Variants in NALF1 observed in about 807,000 individuals in gnomAD.
NALF1 encodes family with sequence similarity 155 member A.
NALF1 carries 3 observed loss-of-function variants against 48.4 expected under a neutral mutation model. The ratio of observed to expected loss-of-function variants is 0.06; its 90% CI spans 0.03 to 0.16. NALF1 has a LOEUF of 0.16. Ranked by LOEUF, NALF1 falls within the 10% of genes least tolerant of loss-of-function variation. The probability of loss-of-function intolerance (pLI) is 1.00; values close to 1 mark genes in which losing one functional copy is unlikely to be tolerated. For missense variants in NALF1, 526 were observed against 571.5 expected (o/e 0.92, Z 0.81); for synonymous variants, 262 against 245.7 (o/e 1.07, Z -0.62).
intron 1 of NALF1, among the ~76,000 whole-genome samples, chr13:107,676,143 T>G (rs1881115464): frequency 2.0e-5 from 3 of 152,332 alleles, no homozygotes; most frequent in South Asian, 4.1e-4. Flanking sequence ...TACTTATTCC[T>G]TCCTTCCCTT....
intron 1 of NALF1, among the ~76,000 whole-genome samples, chr13:107,246,626 G>A (rs1258963729): frequency 1.3e-5 from 2 of 152,182 alleles, no homozygotes; most frequent in African/African-American, 4.8e-5. Context: ...TGAAGATTGT[G>A]ATTTGATCAA....
At chr13:107,264,482 T>A (rs1490684281) in intron 1 of NALF1, among the ~76,000 whole-genome samples, 2 of 152,204 alleles carry the variant, frequency 1.3e-5, no homozygotes, top group Admixed American at 1.3e-4. Context: ...TGTCTTTCTT[T>A]TATTTGTTAA....
At chr13:107,590,553 A>G (rs1248129592) in intron 1 of NALF1, among the ~76,000 whole-genome samples, 1 of 151,998 alleles carries the variant, frequency 6.6e-6, no homozygotes, top group Admixed American at 6.6e-5. Flanking sequence ...TGTTTTGTAT[A>G]TTTGGTGACA....
intron 1 of NALF1, among the ~76,000 whole-genome samples, chr13:107,852,808 G>C (rs1447641004): frequency 5.9e-5 from 9 of 152,140 alleles, no homozygotes; most frequent in Admixed American, 5.2e-4. Context: ...AATAGAAAAA[G>C]TATAGGTTCA....
intron 1 of NALF1, among the ~76,000 whole-genome samples, chr13:107,454,720 G>C (rs1261470602): frequency 6.6e-6 from 1 of 152,128 alleles, no homozygotes; most frequent in Non-Finnish European, 1.5e-5. Flanking sequence ...TGAAAAGCTA[G>C]AAATACTGAG....
At chr13:107,761,402 A>C (rs1877260727) in intron 1 of NALF1, among the ~76,000 whole-genome samples, 1 of 152,048 alleles carries the variant, frequency 6.6e-6, no homozygotes, top group African/African-American at 2.4e-5. Flanking sequence ...AATGGCAAAC[A>C]GCAGGATTGG....
chr13:107,766,616 A>C (rs2004563), intron 1 of NALF1, among the ~76,000 whole-genome samples: 3,628 of 152,248 alleles, frequency 0.024, 120 homozygotes, highest in African/African-American at 0.083. Context: ...ATATTTTAGA[A>C]TGGGTTTCAA....
intron 1 of NALF1, among the ~76,000 whole-genome samples, chr13:107,495,571 T>C (rs1382142455): frequency 3.3e-5 from 5 of 152,314 alleles, no homozygotes; most frequent in Non-Finnish European, 5.9e-5. Flanking sequence ...GTATACCCTG[T>C]AGACAATACT....
At chr13:107,675,114 T>C (rs1881081973) in intron 1 of NALF1, among the ~76,000 whole-genome samples, 1 of 152,230 alleles carries the variant, frequency 6.6e-6, no homozygotes, top group Non-Finnish European at 1.5e-5. Flanking sequence ...TCTATGCTTT[T>C]TTAAAGGCTC....
intron 1 of NALF1, among the ~76,000 whole-genome samples, chr13:107,231,403 G>A (rs1322614083): frequency 4.6e-5 from 7 of 152,152 alleles, no homozygotes; most frequent in Non-Finnish European, 8.8e-5. Flanking sequence ...CCTTCAGATC[G>A]TGGTTCTCTT....
At chr13:107,725,038 T>C (rs1876108109) in intron 1 of NALF1, among the ~76,000 whole-genome samples, 3 of 152,258 alleles carry the variant, frequency 2.0e-5, no homozygotes. Context: ...TTGATAAATA[T>C]TTTGTGTTTG....
intron 1 of NALF1, among the ~76,000 whole-genome samples, chr13:107,465,709 C>CCTAA (rs1409113457): frequency 1.3e-5 from 2 of 152,148 alleles, no homozygotes; most frequent in Non-Finnish European, 2.9e-5. Flanking sequence ...TAAACAAATA[C>CCTAA]CTAACGCTAG....
chr13:107,336,559 T>C (rs1882560941), intron 1 of NALF1, among the ~76,000 whole-genome samples: 1 of 152,052 alleles, frequency 6.6e-6, no homozygotes, highest in Non-Finnish European at 1.5e-5. Context: ...GAGAGAACAA[T>C]CTTTGTGTCT....
At chr13:107,429,289 T>A (rs1334246189) in intron 1 of NALF1, among the ~76,000 whole-genome samples, 3 of 149,016 alleles carry the variant, frequency 2.0e-5, no homozygotes, top group African/African-American at 7.5e-5. Flanking sequence ...GCCACTGCAC[T>A]CCAGCCTGGG....
intron 1 of NALF1, among the ~76,000 whole-genome samples, chr13:107,483,872 TA>T (rs1885289227): frequency 6.6e-6 from 1 of 151,984 alleles, no homozygotes; most frequent in African/African-American, 2.4e-5. Context: ...ATATAATAGT[TA>T]AAAAAGCTTT....
intron 1 of NALF1, among the ~76,000 whole-genome samples, chr13:107,563,306 A>ACATTGATC (rs1877698891): frequency 6.6e-6 from 1 of 152,184 alleles, no homozygotes; most frequent in Non-Finnish European, 1.5e-5. Context: ...AGGCCAGAGC[A>ACATTGATC]CATTGATCCG....
rs1881286025 is a variant in NALF1 at position 107,276,592 on chromosome 13, AAAG to A, written c.916-65840_916-65838del. ...CTACCTGTCATGTAGGCTGAGTTCA[AAAG>A]AAGAAGATATTTATATGCCTGCTGT... is the stretch of plus-strand genomic sequence containing the variant. On this transcript the variant is annotated intron_variant, in intron 1 of 2. Coordinates refer to ENST00000375915, the MANE Select transcript of NALF1 (RefSeq NM_001080396.3). Among the ~76,000 whole-genome samples the A allele has an allele frequency of 1.3e-5, 2 of 152,208 alleles. 1 individual carries two copies. Among genetic ancestry groups the A allele is most frequent in the South Asian group, 4.1e-4 (2 of 4,836 alleles).
rs530927613 is a variant in NALF1, at chr13:107,348,935, T to G, written c.916-138180A>C. ...GCTCCTCCTTTGTAAGATGCAAAGA[T>G]GCCAATACCTGGACACTGTTCATCC... On this transcript the variant is annotated intron_variant, in intron 1 of 2. Coordinates refer to ENST00000375915, the MANE Select transcript of NALF1 (RefSeq NM_001080396.3). Among the ~76,000 whole-genome samples the G allele has an allele frequency of 5.3e-4, 81 of 152,332 alleles. 1 individual carries two copies. Among genetic ancestry groups the G allele is most frequent in the African/African-American group, 1.7e-3 (72 of 41,572 alleles).
At chr13:107,677,853 A>G (rs1881171288) in intron 1 of NALF1, among the ~76,000 whole-genome samples, 1 of 152,206 alleles carries the variant, frequency 6.6e-6, no homozygotes, top group Non-Finnish European at 1.5e-5. Flanking sequence ...ACAAAATAGT[A>G]GAGACCTGTA....
Sources: gnomAD v4.1 joint callset for allele counts (sites outside exome capture counted in the v4.1 genomes callset) on GRCh38, gnomAD v4.1.1 for gene constraint, MANE v1.5 for transcripts, NCBI Gene and HGNC (gene_info 2026-07-23, HGNC 2026-07-21) for gene names.